SNED1: variants seen among roughly 807,000 people sequenced by gnomAD.
SNED1 encodes sushi, nidogen and EGF like domains 1.
A neutral mutation model predicts 166.7 loss-of-function variants in SNED1; 81 were observed. The observed-to-expected ratio is 0.49, with a 90% confidence interval of 0.41 to 0.58. The LOEUF (loss-of-function observed/expected upper bound fraction) is 0.58, where lower values mean the gene tolerates loss of function less well. Ranked by LOEUF, SNED1 falls within the 20% of genes least tolerant of loss-of-function variation. The pLI is 0.00. For synonymous variants in SNED1, 762 were observed against 822.0 expected, an observed-to-expected ratio of 0.93 and a Z score of 1.25; for missense variants, 1,604 against 2,000.2, an observed-to-expected ratio of 0.80 and a Z score of 3.78.
intron 8 of SNED1, among the ~76,000 whole-genome samples, chr2:241,045,533 AATCCAATGGAG>A (rs1306301839): frequency 6.6e-6 from 1 of 152,194 alleles, no homozygotes; most frequent in Non-Finnish European, 1.5e-5. Context: ...AAAAGATTTA[AATCCAATGGAG>A]AAATGATAAT....
At position 241,087,415 on chromosome 2, in the gene SNED1, AC is replaced by A; in HGVS notation, c.4147del (p.Gln1383LysfsTer55). 6.2e-7 allele frequency: 1 copy of A among 1,603,310 alleles called. No homozygotes were observed. The highest frequency in any genetic ancestry group is 1.3e-5 in the African/African-American group (1 of 74,796). ...AGGTATAAAAGAGTCTACCGAGTTC[AC>A]CAAGACATCTGCTTCAAAGAGAGCT... ...HHVYKRVYRV[H>X]QDICFKESCE... is the part of the protein sequence containing the mutation. On this transcript the variant is annotated frameshift_variant, in exon 30 of 32. Transcript: ENST00000310397. LOFTEE classifies it high-confidence loss of function.
chr2:241,045,713 C>CA (rs35928845), intron 8 of SNED1, among the ~76,000 whole-genome samples: 43,869 of 133,438 alleles, frequency 0.33, 6,594 homozygotes, highest in Middle Eastern at 0.38. Context: ...AAAACATAGG[C>CA]AAAAAAAAAA....
chr2:241,078,492 A>G (rs1021387956), intron 27 of SNED1, among the ~76,000 whole-genome samples: 3 of 151,898 alleles, frequency 2.0e-5, no homozygotes, highest in Non-Finnish European at 4.4e-5. Flanking sequence ...TGCATGCTAC[A>G]ACATGGATGA....
intron 1 of SNED1, among the ~76,000 whole-genome samples, chr2:241,017,948 C>T (rs145692190): frequency 9.1e-4 from 138 of 152,328 alleles, no homozygotes; most frequent in African/African-American, 3.0e-3. Context: ...AAGCAGCTCC[C>T]GCTACGATGA....
chr2:241,003,869 A>G (rs1160287347), intron 1 of SNED1, among the ~76,000 whole-genome samples: 4 of 152,380 alleles, frequency 2.6e-5, no homozygotes, highest in African/African-American at 4.8e-5. Context: ...AGGAGCAGCA[A>G]TTTGTAAAGG....
At position 241,091,328 on chromosome 2, in the gene SNED1, G is replaced by A. The variant is rs867537844; in HGVS notation, c.*2-310G>A. On this transcript the variant is annotated intron_variant, in intron 31 of 31. Coordinates refer to ENST00000310397, the MANE Select transcript of SNED1 (RefSeq NM_001080437.3). This position sits in a 1 kb window ranked among gnomAD's most constrained non-coding sequence, Gnocchi z 4.1. ...CCGGAAGGAGGAGGGCAGGGAAGAGGAACAGGCTGTGATTTCACATTTAAA... is the reference window on the plus strand; with the variant it reads ...CCGGAAGGAGGAGGGCAGGGAAGAGAAACAGGCTGTGATTTCACATTTAAA... Among the ~76,000 whole-genome samples the A allele has an allele frequency of 1.6e-4, 25 of 152,320 alleles. No individual in the cohort carries two copies. The highest frequency in any genetic ancestry group is 3.4e-3 in the Middle Eastern group (1 of 294).
intron 16 of SNED1, 100 bp from the exon 17 acceptor site, chr2:241,062,691 A>G (rs2125176133): frequency 1.3e-6 from 1 of 790,598 alleles, no homozygotes; most frequent in Non-Finnish European, 2.2e-6. Context: ...CTGATGATGT[A>G]TCATCGAATT....
At chr2:241,039,835 C>T (rs2061473589) in intron 6 of SNED1, among the ~76,000 whole-genome samples, 1 of 152,182 alleles carries the variant, frequency 6.6e-6, no homozygotes, top group Non-Finnish European at 1.5e-5. Context: ...CATACACACC[C>T]ATCCCTCCAT....
chr2:241,071,973 C>T (rs1559296841), intron 26 of SNED1, 95 bp downstream of exon 26: 3 of 1,065,476 alleles, frequency 2.8e-6, no homozygotes, highest in Non-Finnish European at 2.8e-6. Flanking sequence ...TGAGCCCACC[C>T]CCACCGCCAG....
chr2:241,008,039 C>T (rs989222851), intron 1 of SNED1, among the ~76,000 whole-genome samples: 2 of 152,272 alleles, frequency 1.3e-5, no homozygotes, highest in African/African-American at 4.8e-5. Flanking sequence ...TACACCCTGC[C>T]GTGGGTGAAG....
chr2:241,094,181 T>C lies in SNED1; in HGVS notation c.*2545T>C. The stretch of plus-strand genomic sequence containing the variant: ...AACTCTCCCTTTTCCCCATTGCGTG[T>C]GGGCTGCCAGGTACAAGTAAGGGAA... On this transcript the variant is annotated 3_prime_UTR_variant, in exon 32 of 32. Transcript: ENST00000310397. This position sits in a 1 kb window ranked among gnomAD's most constrained non-coding sequence, Gnocchi z 4.3. The C allele has an allele frequency of 2.6e-6, 1 of 389,050 alleles. No homozygotes were observed. The highest frequency in any genetic ancestry group is 1.9e-5 in the South Asian group (1 of 51,996). 24.1% of individuals were successfully genotyped at this position (389,050 alleles called of 1,614,324 possible).
chr2:241,011,941 C>T (rs2060419314), intron 1 of SNED1, among the ~76,000 whole-genome samples: 1 of 152,234 alleles, frequency 6.6e-6, no homozygotes, highest in African/African-American at 2.4e-5. Context: ...CCTGGCTCAG[C>T]CCCCAGCGGG....
At chr2:241,090,976 C>CCTAA (rs1193581842) in intron 31 of SNED1, among the ~76,000 whole-genome samples, 1 of 152,040 alleles carries the variant, frequency 6.6e-6, no homozygotes, top group Non-Finnish European at 1.5e-5. Context: ...TCGTGCAGTG[C>CCTAA]CTAACTGTAC....
rs1294295773 is a variant in SNED1, at chr2:241,091,087, AT to A, written c.*2-550del. 1.3e-5 allele frequency among the ~76,000 whole-genome samples: 2 copies of A among 152,198 alleles called. No individual in the cohort carries two copies. The highest frequency in any genetic ancestry group is 4.8e-5 in the African/African-American group (2 of 41,434). ...ATCTTTTTAAATGCTTGCCTAGCAC[AT>A]CCACTCCCATAAAAACAAATCAGAA... On this transcript the variant is annotated intron_variant, in intron 31 of 31. Transcript: ENST00000310397. The surrounding 1 kb of genome is among the most constrained non-coding windows in gnomAD (Gnocchi z 4.1).
At chr2:241,057,781 C>A (rs544250869) in intron 16 of SNED1, among the ~76,000 whole-genome samples, 1 of 152,058 alleles carries the variant, frequency 6.6e-6, no homozygotes, top group Admixed American at 6.6e-5. Flanking sequence ...TATTCTCATA[C>A]AAACACAGCT....
intron 4 of SNED1, among the ~76,000 whole-genome samples, chr2:241,035,941 AGGTGTG>A: frequency 1.6e-5 from 1 of 63,776 alleles, no homozygotes; most frequent in South Asian, 9.1e-4. Context: ...TGGGGGGTGC[AGGTGTG>A]CCACGGGGTT....
intron 2 of SNED1, chr2:241,033,365 T>G (rs561093945): frequency 1.6e-5 from 3 of 192,400 alleles, no homozygotes; most frequent in Non-Finnish European, 1.1e-5. Flanking sequence ...CTTCCTTGCT[T>G]CTTTTTACCT....
rs13409774 is a variant in SNED1, at chr2:241,040,846, T to C, written c.1273+433T>C. The C allele has an allele frequency of 5.0e-3, 2,344 of 471,794 alleles. 47 individuals are homozygous for C. The highest frequency in any genetic ancestry group is 0.043 in the African/African-American group (2,166 of 50,202). 29.2% of individuals were successfully genotyped at this position (471,794 alleles called of 1,614,324 possible). ...GGGAATCAGAAAGAAAACTGACCTT[T>C]CACTATTTTCTATTCTATTTTGTGT... On this transcript the variant is annotated intron_variant, in intron 8 of 31. Transcript: ENST00000310397.
Position 241,073,523 on chromosome 2 carries a change from G to C in SNED1, c.3916+159G>C. 1.5e-6 allele frequency: 1 copy of C among 681,678 alleles called. No individual in the cohort carries two copies. The highest frequency in any genetic ancestry group is 2.7e-6 in the Non-Finnish European group (1 of 374,660). The allele number at this position is 681,678 out of a possible 1,614,324, so 42.2% of individuals were successfully genotyped here. On this transcript the variant is annotated intron_variant, in intron 27 of 31. Transcript: ENST00000310397. This position sits in a 1 kb window ranked among gnomAD's most constrained non-coding sequence, Gnocchi z 6.6. ...CCAGGCACCCCGGTGTGGGAAGATG[G>C]GGTGAAGCTACACCACCCAAGCAGT...
Sources: allele counts gnomAD v4.1 joint callset (sites outside exome capture counted in the v4.1 genomes callset), GRCh38; gene constraint gnomAD v4.1.1; non-coding constraint Gnocchi (gnomAD v3.1); transcripts MANE v1.5; gene names NCBI Gene and HGNC (gene_info 2026-07-23, HGNC 2026-07-21).